LRRC37A2: variants seen among roughly 807,000 people sequenced by gnomAD.
The protein encoded by LRRC37A2 is leucine-rich repeat-containing protein 37A2.
In LRRC37A2, 9 loss-of-function variants were observed where a neutral mutation model predicts 68.8. The ratio of observed to expected loss-of-function variants is 0.13; its 90% CI spans 0.08 to 0.23. LRRC37A2 has a LOEUF of 0.23. Ranked by LOEUF, LRRC37A2 falls within the 10% of genes least tolerant of loss-of-function variation. The pLI, the probability that LRRC37A2 is intolerant of heterozygous loss-of-function variation, is 1.00. For synonymous variants in LRRC37A2, 63 were observed against 367.6 expected, an observed-to-expected ratio of 0.17 and a Z score of 9.48; for missense variants, 168 against 950.4, an observed-to-expected ratio of 0.18 and a Z score of 10.82.
At chr17:46,972,270 A>G in the LRRC37A2 span, among the ~76,000 whole-genome samples, 7 of 151,678 alleles carry the variant, frequency 4.6e-5, no homozygotes, top group East Asian at 1.4e-3. Context: ...CTTCCATCCC[A>G]TCTTCTCCCT....
At chr17:46,623,317 C>A in the LRRC37A2 span, among the ~76,000 whole-genome samples, 3 of 45,414 alleles carry the variant, frequency 6.6e-5, no homozygotes, top group Non-Finnish European at 7.1e-5. Context: ...GACTCCATCT[C>A]AAAAAAAAAA....
the LRRC37A2 span, among the ~76,000 whole-genome samples, chr17:46,724,066 C>T: frequency 1.3e-5 from 2 of 152,144 alleles, no homozygotes; most frequent in South Asian, 2.1e-4. Context: ...TCTTATTGAC[C>T]GTTCCTGCAG....
the LRRC37A2 span, among the ~76,000 whole-genome samples, chr17:46,806,683 T>G: frequency 1.1e-3 from 165 of 152,370 alleles, no homozygotes; most frequent in Middle Eastern, 6.8e-3. Flanking sequence ...AGCCTGAGGC[T>G]AGACATTCTC....
the LRRC37A2 span, among the ~76,000 whole-genome samples, chr17:46,735,386 C>T: frequency 6.6e-6 from 1 of 151,466 alleles, no homozygotes; most frequent in Non-Finnish European, 1.5e-5. Context: ...ATTATAACGT[C>T]GTAGTAGTCC....
chr17:46,841,050 G>A, the LRRC37A2 span, among the ~76,000 whole-genome samples: 1 of 152,210 alleles, frequency 6.6e-6, no homozygotes, highest in Non-Finnish European at 1.5e-5. Flanking sequence ...CTTCCAACAG[G>A]AGGCAGAGGG....
the LRRC37A2 span, among the ~76,000 whole-genome samples, chr17:46,787,563 C>CT: frequency 2.0e-5 from 3 of 152,230 alleles, no homozygotes; most frequent in Non-Finnish European, 2.9e-5. Context: ...GCTTGTCTCT[C>CT]TCATAGCACG....
the LRRC37A2 span, among the ~76,000 whole-genome samples, chr17:46,708,822 A>ATTTT: frequency 6.4e-5 from 7 of 108,854 alleles, no homozygotes; most frequent in African/African-American, 1.5e-4. Flanking sequence ...ATATATATAT[A>ATTTT]TTTTTTTTTT....
intron 8 of LRRC37A2, among the ~76,000 whole-genome samples, chr17:46,545,296 A>C (rs1297948187): frequency 6.8e-6 from 1 of 147,874 alleles, no homozygotes; most frequent in Non-Finnish European, 1.5e-5. Flanking sequence ...AAAAAAAAAA[A>C]AAAAATTAGC....
chr17:46,897,781 C>T, the LRRC37A2 span, among the ~76,000 whole-genome samples: 15,820 of 152,092 alleles, frequency 0.1, 2,308 homozygotes, highest in African/African-American at 0.33. Context: ...TGAGCCACCA[C>T]GCTGGCTACC....
chr17:46,823,179 TATA>T, the LRRC37A2 span, among the ~76,000 whole-genome samples: 1 of 129,858 alleles, frequency 7.7e-6, no homozygotes, highest in Admixed American at 8.7e-5. Context: ...TATATTTATA[TATA>T]ATATATTATA....
the LRRC37A2 span, among the ~76,000 whole-genome samples, chr17:46,819,251 G>A: frequency 2.0e-5 from 3 of 152,192 alleles, no homozygotes; most frequent in Non-Finnish European, 4.4e-5. The surrounding 1 kb of genome is among the most constrained non-coding windows in gnomAD (Gnocchi z 5.3). Flanking sequence ...TCCTGGCCGC[G>A]GGAGGTCACT....
At chr17:46,816,475 G>GCACACACA in the LRRC37A2 span, among the ~76,000 whole-genome samples, 56 of 144,362 alleles carry the variant, frequency 3.9e-4, no homozygotes, top group East Asian at 6.4e-4. Flanking sequence ...CAGAACACAC[G>GCACACACA]CACACACACA....
At chr17:46,939,348 G>A in the LRRC37A2 span, 1 of 1,007,354 alleles carries the variant, frequency 9.9e-7, no homozygotes, top group Non-Finnish European at 1.2e-6. Context: ...GAAACAAGAT[G>A]TAGTGCTATT....
At chr17:46,776,399 T>A in the LRRC37A2 span, among the ~76,000 whole-genome samples, 4 of 152,250 alleles carry the variant, frequency 2.6e-5, no homozygotes, top group African/African-American at 9.6e-5. Context: ...GGGCCTATCA[T>A]GTGCTGGACA....
chr17:46,838,917 G>A, the LRRC37A2 span, among the ~76,000 whole-genome samples: 10 of 151,994 alleles, frequency 6.6e-5, no homozygotes, highest in South Asian at 2.1e-4. Flanking sequence ...GCACTCTGTC[G>A]CCCAGGCTGG....
chr17:46,977,736 G>A, the LRRC37A2 span, among the ~76,000 whole-genome samples: 3 of 152,234 alleles, frequency 2.0e-5, no homozygotes, highest in Non-Finnish European at 4.4e-5. Context: ...TATAAGGGTA[G>A]GGACAAAGCA....
chr17:46,791,178 C>T, the LRRC37A2 span, among the ~76,000 whole-genome samples: 3 of 152,028 alleles, frequency 2.0e-5, no homozygotes, highest in African/African-American at 7.2e-5. Flanking sequence ...TTGCCTGCAG[C>T]TACATTTCCC....
the LRRC37A2 span, among the ~76,000 whole-genome samples, chr17:46,992,543 G>A: frequency 6.6e-6 from 1 of 152,096 alleles, no homozygotes; most frequent in East Asian, 1.9e-4. Context: ...CTAATGCAGT[G>A]CCACTGTTGT....
the LRRC37A2 span, among the ~76,000 whole-genome samples, chr17:46,915,937 C>T: frequency 2.0e-5 from 3 of 152,242 alleles, no homozygotes; most frequent in African/African-American, 7.2e-5. Flanking sequence ...CTCTGGGCTA[C>T]TAACAGTTCA....
Sources: allele counts gnomAD v4.1 joint callset (sites outside exome capture counted in the v4.1 genomes callset), GRCh38; gene constraint gnomAD v4.1.1; non-coding constraint Gnocchi (gnomAD v3.1); transcripts MANE v1.5; gene names NCBI Gene and HGNC (gene_info 2026-07-23, HGNC 2026-07-21).